The following MPDZ variants were observed in gnomAD, a reference collection of about 807,000 sequenced individuals.
MPDZ encodes multiple PDZ domain crumbs cell polarity complex component.
Under a neutral mutation model 239.1 loss-of-function variants are expected in MPDZ, and 234 were observed. The observed-to-expected ratio is 0.98, with a 90% CI of 0.88 to 1.09. The LOEUF is 1.09. Ranked by LOEUF, MPDZ falls within the 50% of genes least tolerant of loss-of-function variation. The pLI is 0.00. For synonymous variants in MPDZ, 1,048 were observed against 881.3 expected (o/e 1.19, Z -3.35); for missense variants, 3,175 against 2,510.0 (o/e 1.26, Z -5.66).
chr9:13,231,162 A>T (rs558996757), intron 3 of MPDZ, among the ~76,000 whole-genome samples: 34 of 152,078 alleles, frequency 2.2e-4, no homozygotes, highest in African/African-American at 7.2e-4. Flanking sequence ...CATTGGGAAT[A>T]AAAAAAAGGA....
intron 1 of MPDZ, among the ~76,000 whole-genome samples, chr9:13,254,688 C>T (rs969050036): frequency 3.3e-5 from 5 of 152,130 alleles, no homozygotes; most frequent in South Asian, 2.1e-4. Flanking sequence ...TTTCTCAGTG[C>T]GTACAAAAGT....
chr9:13,196,508 A>C (rs1232315893), intron 12 of MPDZ, among the ~76,000 whole-genome samples: 1 of 152,082 alleles, frequency 6.6e-6, no homozygotes, highest in Non-Finnish European at 1.5e-5. Context: ...ACGAGTAAGG[A>C]CTCTGAGCAG....
chr9:13,211,084 T>C (rs565872952), intron 10 of MPDZ, among the ~76,000 whole-genome samples: 3 of 152,274 alleles, frequency 2.0e-5, no homozygotes, highest in Admixed American at 6.5e-5. Flanking sequence ...CATCAGTTCA[T>C]AGCGGGCTTC....
chr9:13,204,427 G>GAAT (rs1223741313), intron 12 of MPDZ, among the ~76,000 whole-genome samples: 7 of 151,802 alleles, frequency 4.6e-5, no homozygotes, highest in Non-Finnish European at 8.8e-5. Context: ...TCTCTAATAC[G>GAAT]AATAATAATA....
At chr9:13,167,922 G>C (rs1951284862) in intron 22 of MPDZ, among the ~76,000 whole-genome samples, 1 of 152,244 alleles carries the variant, frequency 6.6e-6, no homozygotes, top group South Asian at 2.1e-4. Context: ...TTTTGGGTCA[G>C]ATGGACACTG....
chr9:13,124,334 C>T (rs1944805185), intron 35 of MPDZ, among the ~76,000 whole-genome samples: 2 of 152,118 alleles, frequency 1.3e-5, no homozygotes, highest in African/African-American at 2.4e-5. Flanking sequence ...GGATTATTTT[C>T]GGAGATGTAT....
intron 32 of MPDZ, among the ~76,000 whole-genome samples, chr9:13,128,179 C>T (rs1348837668): frequency 6.6e-6 from 1 of 152,130 alleles, no homozygotes; most frequent in Non-Finnish European, 1.5e-5. Flanking sequence ...ATACTTCTTC[C>T]TTCAGGAAGG....
At position 13,259,000 on chromosome 9, in the gene MPDZ, G is replaced by A. The variant is rs150992063; in HGVS notation, c.-57-8628C>T. ...CTGGGGAGACCGAGGCAGGAGAATC[G>A]CTTGAACCCAGGAGGCAGAGGCTCA... On this transcript the variant is annotated intron_variant, in intron 1 of 46. Transcript: ENST00000319217. 1.1e-3 allele frequency among the ~76,000 whole-genome samples: 173 copies of A among 151,648 alleles called. 1 individual carries two copies. Among genetic ancestry groups the A allele is most frequent in the East Asian group, 8.3e-3 (42 of 5,046 alleles).
intron 39 of MPDZ, among the ~76,000 whole-genome samples, chr9:13,117,041 A>G (rs1228731347): frequency 6.6e-6 from 1 of 152,136 alleles, no homozygotes; most frequent in African/African-American, 2.4e-5. Flanking sequence ...GTTTTTTCCT[A>G]TATATAAGGT....
At chr9:13,235,583 T>C (rs952642140) in intron 3 of MPDZ, among the ~76,000 whole-genome samples, 3 of 152,196 alleles carry the variant, frequency 2.0e-5, no homozygotes, top group Non-Finnish European at 4.4e-5. Flanking sequence ...AACATAGTGA[T>C]TGAGAACACA....
chr9:13,123,371 G>A, intron 35 of MPDZ, 73 bp from the exon 36 acceptor site: 1 of 1,342,218 alleles, frequency 7.5e-7, no homozygotes, highest in Non-Finnish European at 1.0e-6. Context: ...TCATCACACA[G>A]ATTGACTCTG....
rs1344280269 is a variant in MPDZ, at chr9:13,279,452, G to T, written c.-110C>A. On this transcript the variant is annotated 5_prime_UTR_variant, in exon 1 of 47. Transcript: ENST00000319217. The stretch of plus-strand genomic sequence containing the variant: ...CGACGCGAGGGGGCGGAGGACTGGG[G>T]AGCAGGGGTCGCCGGGGCCTCTGGA... The T allele has an allele frequency of 6.7e-6, 1 of 148,452 alleles. No homozygotes were observed. The highest frequency in any genetic ancestry group is 1.5e-5 in the Non-Finnish European group (1 of 66,694). 9.2% of individuals were successfully genotyped at this position (148,452 alleles called of 1,614,324 possible).
At chr9:13,107,473 A>G (rs1442804742) in intron 46 of MPDZ, among the ~76,000 whole-genome samples, 1 of 152,206 alleles carries the variant, frequency 6.6e-6, no homozygotes, top group South Asian at 2.1e-4. Context: ...TCCTGTAAAT[A>G]AGACCTACAG....
intron 39 of MPDZ, among the ~76,000 whole-genome samples, chr9:13,118,186 G>A (rs1312160589): frequency 6.6e-6 from 1 of 152,038 alleles, no homozygotes; most frequent in Non-Finnish European, 1.5e-5. Context: ...TATTTACATT[G>A]TTTTATGGAT....
intron 22 of MPDZ, among the ~76,000 whole-genome samples, chr9:13,166,846 C>T (rs1258356403): frequency 6.6e-6 from 1 of 152,050 alleles, no homozygotes; most frequent in Non-Finnish European, 1.5e-5. Context: ...AAATGTACTT[C>T]AAAAGTTTTC....
chr9:13,165,534 C>G, intron 22 of MPDZ: 1 of 1,006,742 alleles, frequency 9.9e-7, no homozygotes, highest in Non-Finnish European at 1.4e-6. Flanking sequence ...GTTTTTTTTC[C>G]CCCTTTCCAC....
Position 13,123,257 on chromosome 9 carries a change from G to A in MPDZ, c.4849C>T (p.Pro1617Ser), listed in dbSNP as rs1191915282. ...CCAGGGATAATGGGGCAGGTTGCAG[G>A]ATCAGAAGCAAAAATTGCTGGTGTT... ...SSTPAIFASD[P>S]ATCPIIPGCE... Residue 1617 changes from proline to serine, a missense_variant, in exon 36 of 47, where the codon CCT becomes TCT. Physicochemically the swap from Pro to Ser is moderately conservative, Grantham distance 74. Transcript: ENST00000319217. The A allele has an allele frequency of 6.2e-7, 1 of 1,613,066 alleles. No homozygotes were observed. The highest frequency in any genetic ancestry group is 2.2e-5 in the East Asian group (1 of 44,834).
chr9:13,274,136 T>A (rs971859108), intron 1 of MPDZ, among the ~76,000 whole-genome samples: 6 of 152,152 alleles, frequency 3.9e-5, no homozygotes, highest in African/African-American at 1.4e-4. Context: ...TCCGTCTTCT[T>A]TTCACTTGTA....
At chr9:13,109,605 G>A (rs1048678022) in intron 45 of MPDZ, among the ~76,000 whole-genome samples, 2 of 152,140 alleles carry the variant, frequency 1.3e-5, no homozygotes, top group African/African-American at 4.8e-5. Flanking sequence ...TGAATAGGCA[G>A]TGCGGGAAAT....
Sources: allele counts gnomAD v4.1 joint callset (sites outside exome capture counted in the v4.1 genomes callset), GRCh38; gene constraint gnomAD v4.1.1; transcripts MANE v1.5; gene names NCBI Gene and HGNC (gene_info 2026-07-23, HGNC 2026-07-21).